The following LRP1B variants were observed in gnomAD, a reference collection of about 807,000 sequenced individuals.
LRP1B encodes the protein low-density lipoprotein receptor-related protein 1B.
A neutral mutation model predicts 556.6 loss-of-function variants in LRP1B; 217 were observed. The ratio of observed to expected loss-of-function variants is 0.39; its 90% CI spans 0.35 to 0.44. The LOEUF (loss-of-function observed/expected upper bound fraction) is 0.44, where lower values mean the gene tolerates loss of function less well. LRP1B is among the 20% of genes least tolerant of loss of function. The pLI is 1.00. For synonymous variants in LRP1B, 2,047 were observed against 1,865.8 expected (o/e 1.10, Z -2.50); for missense variants, 5,053 against 5,620.8 (o/e 0.90, Z 3.23).
intron 1 of LRP1B, among the ~76,000 whole-genome samples, chr2:141,825,129 T>C (rs1271628775): frequency 6.6e-6 from 1 of 152,188 alleles, no homozygotes; most frequent in Admixed American, 6.5e-5. Context: ...AATTACCCAG[T>C]CTCAGGGAGC....
At chr2:141,945,421 T>C (rs956861167) in intron 1 of LRP1B, among the ~76,000 whole-genome samples, 12 of 152,220 alleles carry the variant, frequency 7.9e-5, no homozygotes, top group African/African-American at 2.9e-4. Flanking sequence ...GGCCCCACTC[T>C]AACTTTACCT....
intron 2 of LRP1B, among the ~76,000 whole-genome samples, chr2:141,579,227 A>G (rs1453899411): frequency 6.8e-6 from 1 of 147,918 alleles, no homozygotes; most frequent in Non-Finnish European, 1.5e-5. Context: ...ATAATAACTC[A>G]TTGAAATTGA....
intron 1 of LRP1B, among the ~76,000 whole-genome samples, chr2:141,836,374 T>C (rs530316336): frequency 1.3e-5 from 2 of 152,172 alleles, no homozygotes; most frequent in Admixed American, 6.6e-5. Context: ...TTCCACCATA[T>C]AAAAATATGG....
At chr2:141,763,117 G>A (rs921619213) in intron 2 of LRP1B, among the ~76,000 whole-genome samples, 1 of 152,146 alleles carries the variant, frequency 6.6e-6, no homozygotes, top group African/African-American at 2.4e-5. Flanking sequence ...CCGATAATAG[G>A]AGAAAATTGC....
At chr2:142,092,604 G>C (rs547529339) in intron 1 of LRP1B, among the ~76,000 whole-genome samples, 5 of 151,900 alleles carry the variant, frequency 3.3e-5, no homozygotes, top group African/African-American at 7.3e-5. Context: ...ATCCATTTGA[G>C]AGTTGGGGTA....
At chr2:140,877,513 A>C (rs1693347290) in intron 25 of LRP1B, among the ~76,000 whole-genome samples, 1 of 152,154 alleles carries the variant, frequency 6.6e-6, no homozygotes, top group Non-Finnish European at 1.5e-5. Flanking sequence ...AAGAAAAATA[A>C]ATATTGAGGC....
At chr2:140,370,907 A>T in intron 70 of LRP1B, 65 bp from the exon 71 acceptor site, 1 of 1,541,234 alleles carries the variant, frequency 6.5e-7, no homozygotes, top group Non-Finnish European at 8.9e-7. Flanking sequence ...TGGGCAAAAT[A>T]AACATGCAGC....
At chr2:141,999,205 T>G (rs1449614963) in intron 1 of LRP1B, among the ~76,000 whole-genome samples, 1 of 152,054 alleles carries the variant, frequency 6.6e-6, no homozygotes, top group African/African-American at 2.4e-5. Flanking sequence ...GTGGCTGAAT[T>G]CCAATGGGAG....
intron 5 of LRP1B, among the ~76,000 whole-genome samples, chr2:141,230,740 T>G (rs1022328193): frequency 6.6e-6 from 1 of 152,208 alleles, no homozygotes; most frequent in African/African-American, 2.4e-5. Context: ...AATAATCATT[T>G]ATCAATTACC....
chr2:141,718,759 G>T (rs1216933846), intron 2 of LRP1B, among the ~76,000 whole-genome samples: 1 of 152,152 alleles, frequency 6.6e-6, no homozygotes, highest in Non-Finnish European at 1.5e-5. Flanking sequence ...TAAAGGAACA[G>T]AAGACTGGAG....
intron 66 of LRP1B, among the ~76,000 whole-genome samples, chr2:140,431,173 C>T (rs968966735): frequency 8.5e-5 from 13 of 152,134 alleles, no homozygotes; most frequent in African/African-American, 3.1e-4. Context: ...CTTTATATCC[C>T]TTACGGTCCT....
At chr2:141,422,590 A>G (rs531052664) in intron 3 of LRP1B, among the ~76,000 whole-genome samples, 56 of 152,302 alleles carry the variant, frequency 3.7e-4, no homozygotes, top group Non-Finnish European at 4.9e-4. Flanking sequence ...ACACACACAT[A>G]TGCATTCTCC....
intron 66 of LRP1B, among the ~76,000 whole-genome samples, chr2:140,416,990 C>G (rs1204436112): frequency 6.6e-6 from 1 of 152,076 alleles, no homozygotes; most frequent in Non-Finnish European, 1.5e-5. Flanking sequence ...GGACTGTCAA[C>G]AAAAAGAAAA....
At chr2:142,090,772 A>G (rs1706137200) in intron 1 of LRP1B, among the ~76,000 whole-genome samples, 1 of 152,112 alleles carries the variant, frequency 6.6e-6, no homozygotes, top group Non-Finnish European at 1.5e-5. Context: ...TTCATCTTCT[A>G]AAAATTTTAC....
At chr2:141,691,197 T>TTA (rs1184535975) in intron 2 of LRP1B, among the ~76,000 whole-genome samples, 2 of 151,918 alleles carry the variant, frequency 1.3e-5, no homozygotes, top group African/African-American at 2.4e-5. Flanking sequence ...CCTGGTCCAT[T>TTA]TATATTCCTA....
intron 2 of LRP1B, among the ~76,000 whole-genome samples, chr2:141,611,341 C>T (rs1688102597): frequency 6.6e-6 from 1 of 152,176 alleles, no homozygotes; most frequent in Non-Finnish European, 1.5e-5. Context: ...ATTTGAGTCT[C>T]AATTCCAGTA....
intron 31 of LRP1B, among the ~76,000 whole-genome samples, chr2:140,835,727 T>C (rs112465247): frequency 0.061 from 9,319 of 151,916 alleles, 358 homozygotes; most frequent in African/African-American, 0.1. Context: ...TCAGTAGAGA[T>C]GGGTTTTCAC....
intron 2 of LRP1B, among the ~76,000 whole-genome samples, chr2:141,764,191 T>C (rs1248636268): frequency 6.6e-6 from 1 of 152,008 alleles, no homozygotes; most frequent in East Asian, 1.9e-4. Context: ...ATGGTGTCTT[T>C]TTTTTTTGAG....
intron 1 of LRP1B, among the ~76,000 whole-genome samples, chr2:142,102,722 T>TA (rs1706612715): frequency 6.6e-6 from 1 of 151,724 alleles, no homozygotes; most frequent in Non-Finnish European, 1.5e-5. Context: ...TTTACATATA[T>TA]AAAAAAATTG....
Sources: allele counts gnomAD v4.1 joint callset (sites outside exome capture counted in the v4.1 genomes callset), GRCh38; gene constraint gnomAD v4.1.1; transcripts MANE v1.5; gene names NCBI Gene and HGNC (gene_info 2026-07-23, HGNC 2026-07-21).